The following ZNF592 variants were observed in gnomAD, a reference collection of about 807,000 sequenced individuals.
The protein encoded by ZNF592 is zinc finger protein 592.
ZNF592 carries 11 observed loss-of-function variants against 80.3 expected under a neutral mutation model. The observed-to-expected ratio is 0.14, with a 90% CI of 0.09 to 0.23. The LOEUF is 0.23. ZNF592 is among the 10% of genes least tolerant of loss of function. The pLI is 1.00. For missense variants in ZNF592, 1,420 were observed against 1,633.9 expected, an observed-to-expected ratio of 0.87 and a Z score of 2.26; for synonymous variants, 646 against 640.3, an observed-to-expected ratio of 1.01 and a Z score of -0.13.
At chr15:84,789,914 C>T (rs1252908245) in intron 4 of ZNF592, among the ~76,000 whole-genome samples, 1 of 152,206 alleles carries the variant, frequency 6.6e-6, no homozygotes, top group African/African-American at 2.4e-5. Context: ...CTTTTTCCCT[C>T]TGGGCTGGCT....
Position 84,804,603 on chromosome 15 carries a change from T to G in ZNF592, c.*2210T>G, listed in dbSNP as rs970795959. On this transcript the variant is annotated 3_prime_UTR_variant, in exon 11 of 11. Transcript: ENST00000560079. ...ATAGAGTTAGTAATTCCCATCCAAC[T>G]GGCTTCACAGGCTTTTGTGAGCTTA... is the stretch of plus-strand genomic sequence containing the variant. The G allele has an allele frequency of 2.0e-5, 3 of 152,254 alleles. No homozygotes were observed. The highest frequency in any genetic ancestry group is 2.9e-5 in the Non-Finnish European group (2 of 68,046). 9.4% of individuals were successfully genotyped at this position (152,254 alleles called of 1,614,324 possible).
chr15:84,796,379 T>C (rs1413737954), intron 5 of ZNF592, among the ~76,000 whole-genome samples: 1 of 150,164 alleles, frequency 6.7e-6, no homozygotes, highest in African/African-American at 2.5e-5. Flanking sequence ...CTGCCTCTCT[T>C]TAGTGCCTAT....
At chr15:84,757,590 G>A (rs1338865933) in intron 1 of ZNF592, among the ~76,000 whole-genome samples, 3 of 151,976 alleles carry the variant, frequency 2.0e-5, no homozygotes, top group Non-Finnish European at 4.4e-5. Flanking sequence ...CTGGCTTGAA[G>A]CGATCCTTCC....
At chr15:84,760,035 G>T (rs1469951339) in intron 1 of ZNF592, among the ~76,000 whole-genome samples, 2 of 145,574 alleles carry the variant, frequency 1.4e-5, no homozygotes, top group Non-Finnish European at 3.0e-5. Context: ...AGAAATTCTG[G>T]TAATTCTTCC....
At position 84,784,807 on chromosome 15, in the gene ZNF592, TCAAGTGTCTTGAATGTCA is replaced by T; in HGVS notation, c.2137_2154del (p.Cys713_Lys718del). 1 of 1,614,066 alleles carries T rather than the reference TCAAGTGTCTTGAATGTCA, an allele frequency of 6.2e-7. No individual in the cohort carries two copies. The highest frequency in any genetic ancestry group is 8.5e-7 in the Non-Finnish European group (1 of 1,180,018). Reference sequence around the variant, plus strand: ...CCTGTGAGGCTCATCCGGTACTCAATCAAGTGTCTTGAATGTCACAAGCAGATGCGGGACTACATGGTC... The same window carrying T: ...CCTGTGAGGCTCATCCGGTACTCAATCAAGCAGATGCGGGACTACATGGTC... On this transcript the variant is annotated inframe_deletion, in exon 4 of 11. Transcript: ENST00000560079. The surrounding 1 kb of genome is among the most constrained non-coding windows in gnomAD (Gnocchi z 5.8).
chr15:84,783,006 G>T lies in ZNF592; in HGVS notation c.331G>T (p.Asp111Tyr), dbSNP rs1962464676. The T allele has an allele frequency of 6.2e-7, 1 of 1,614,142 alleles. No homozygotes were observed. Reference sequence around the variant, plus strand: ...AGATCCCCACAACTGTGGGAAATTTGATTCTACTTTTATGAATGGAGACAG... The same window carrying T: ...AGATCCCCACAACTGTGGGAAATTTTATTCTACTTTTATGAATGGAGACAG... ...PPDPHNCGKF[D>Y]STFMNGDSAR... Residue 111 changes from aspartate to tyrosine, a missense_variant, in exon 4 of 11, where the codon GAT (aspartate) becomes TAT (tyrosine). Transcript: ENST00000560079. This position sits in a 1 kb window ranked among gnomAD's most constrained non-coding sequence, Gnocchi z 5.0.
rs1963223385 is a variant in ZNF592 at position 84,805,831 on chromosome 15, G to A, written c.*3438G>A. 6.6e-6 allele frequency: 1 copy of A among 152,556 alleles called. No individual in the cohort carries two copies. Among genetic ancestry groups the A allele is most frequent in the South Asian group, 2.1e-4 (1 of 4,822 alleles). The allele number at this position is 152,556 out of a possible 1,614,324, so 9.5% of individuals were successfully genotyped here. On this transcript the variant is annotated 3_prime_UTR_variant, in exon 11 of 11. Coordinates refer to ENST00000560079, the MANE Select transcript of ZNF592 (RefSeq NM_014630.3). ...ACAATAAATGGTAAGCTTCCCCATG[G>A]AGGTCAGCCTCTAGTCCCCTCTCCA...
In ZNF592 at chr15:84,803,495, CCTT is replaced by C. The variant is rs1398555537; in HGVS notation, c.*1105_*1107del. Reference sequence around the variant, plus strand: ...CCTGTACTACTTAGTTCTCTAGAGACCTTCTGAAGGGGTGAGGGGAGCGGCTCC... The same window carrying C: ...CCTGTACTACTTAGTTCTCTAGAGACCTGAAGGGGTGAGGGGAGCGGCTCC... On this transcript the variant is annotated 3_prime_UTR_variant, in exon 11 of 11. Transcript: ENST00000560079. 4 of 152,350 alleles carry C rather than the reference CCTT, an allele frequency of 2.6e-5. No individual in the cohort carries two copies. The South Asian group carries it at 6.2e-4, about 24-fold the overall frequency. 9.4% of individuals were successfully genotyped at this position (152,350 alleles called of 1,614,324 possible).
chr15:84,776,169 A>G (rs931332072), intron 2 of ZNF592, among the ~76,000 whole-genome samples: 2 of 152,178 alleles, frequency 1.3e-5, no homozygotes, highest in East Asian at 1.9e-4. Context: ...GCTCGTTCAG[A>G]TGCTTCAGGG....
chr15:84,780,152 A>G (rs957528747), intron 3 of ZNF592, among the ~76,000 whole-genome samples: 14 of 151,908 alleles, frequency 9.2e-5, no homozygotes, highest in Admixed American at 7.9e-4. Context: ...ACACCCAACT[A>G]ATTTTTGTAT....
chr15:84,794,718 C>G (rs1962846193), intron 5 of ZNF592, among the ~76,000 whole-genome samples: 1 of 152,106 alleles, frequency 6.6e-6, no homozygotes, highest in Non-Finnish European at 1.5e-5. Context: ...CTCAGGTGAT[C>G]CACCGACCTC....
intron 2 of ZNF592, among the ~76,000 whole-genome samples, chr15:84,772,119 A>AC (rs938417661): frequency 6.6e-6 from 1 of 152,174 alleles, no homozygotes; most frequent in Non-Finnish European, 1.5e-5. Context: ...TTTTAGCTAT[A>AC]CCATTCCCAA....
rs116699012 is a variant in ZNF592 at position 84,786,416 on chromosome 15, G to C, written c.2220+1521G>C. 6.1e-3 allele frequency among the ~76,000 whole-genome samples: 936 copies of C among 152,302 alleles called. 5 individuals carry two copies. Among genetic ancestry groups the C allele is most frequent in the African/African-American group, 0.021 (871 of 41,558 alleles). ...GAGTTTGGAGGAGTAGGAGGGGCAAGGGTGTTTTGAGTATAGGGAGCAAAG... is the reference window on the plus strand; with the variant it reads ...GAGTTTGGAGGAGTAGGAGGGGCAACGGTGTTTTGAGTATAGGGAGCAAAG... On this transcript the variant is annotated intron_variant, in intron 4 of 10. Coordinates refer to ENST00000560079, the MANE Select transcript of ZNF592 (RefSeq NM_014630.3).
At chr15:84,762,931 A>G (rs767570321) in intron 1 of ZNF592, among the ~76,000 whole-genome samples, 1 of 152,188 alleles carries the variant, frequency 6.6e-6, no homozygotes, top group Non-Finnish European at 1.5e-5. Context: ...AATCTAGAAC[A>G]GTGTTCTAGA....
Position 84,783,055 on chromosome 15 carries a change from T to G in ZNF592, c.380T>G (p.Leu127Arg), listed in dbSNP as rs1350176076. The change falls in exon 4 of 11, where the codon CTG becomes CGG. Residue 127 changes from leucine (L) to arginine (R), a missense_variant. Around this residue, in one of 7 missense-constraint regions of ZNF592, gnomAD observed 373 missense variants for 355.5 expected, o/e 1.05. Transcript: ENST00000560079. The surrounding 1 kb of genome is among the most constrained non-coding windows in gnomAD (Gnocchi z 5.0). ...AGTGCCAGGAGTTTCCCTGGCAAAC[T>G]GGAGCCTCCCAAGTCAGAGCCATTA... is the stretch of plus-strand genomic sequence containing the variant. ...GDSARSFPGK[L>R]EPPKSEPLPT... The G allele has an allele frequency of 1.2e-6, 2 of 1,614,182 alleles. No homozygotes were observed. The highest frequency in any genetic ancestry group is 1.7e-5 in the Admixed American group (1 of 60,022).
intron 5 of ZNF592, among the ~76,000 whole-genome samples, chr15:84,794,736 C>G (rs1434842638): frequency 6.6e-6 from 1 of 152,162 alleles, no homozygotes; most frequent in African/African-American, 2.4e-5. Context: ...CTCAGCCTCC[C>G]AAAGTGCTGG....
Position 84,798,732 on chromosome 15 carries a change from G to A in ZNF592, c.2881G>A (p.Gly961Ser). The A allele has an allele frequency of 6.2e-7, 1 of 1,611,178 alleles. No individual in the cohort carries two copies. The stretch of plus-strand genomic sequence containing the variant: ...TGCTCGGAGCAGCTCCCTGCCTTCT[G>A]GCCGCTGGGGTAGGCCTGAAGCCCA... ...VAARSSSLPS[G>S]RWGRPEAHRR... The change falls in exon 8 of 11, where the codon GGC becomes AGC. Residue 961 changes from glycine to serine, a missense_variant. Physicochemically the swap from Gly to Ser is moderately conservative, Grantham distance 56 (BLOSUM62 0). This residue lies in a region of ZNF592 where 331 missense variants were observed against 347.0 expected (regional missense o/e 0.95). Coordinates refer to ENST00000560079, the MANE Select transcript of ZNF592 (RefSeq NM_014630.3). This position sits in a 1 kb window ranked among gnomAD's most constrained non-coding sequence, Gnocchi z 4.5.
In ZNF592 at chr15:84,798,422, C is replaced by G. The variant is rs769691987; in HGVS notation, c.2684C>G (p.Pro895Arg). The G allele has an allele frequency of 1.2e-5, 20 of 1,614,038 alleles. No individual in the cohort carries two copies. In the Admixed American group the frequency reaches 2.2e-4, roughly 17 times the overall value. The stretch of plus-strand genomic sequence containing the variant: ...ACGCAGGTGGGCGTCTTCAAGTGCC[C>G]TGAGTGCCCACTCTTGTTCGTGCAG... ...SKTQVGVFKCPECPLLFVQKP... is the reference protein window; with the variant it reads ...SKTQVGVFKCRECPLLFVQKP... Residue 895 changes from proline to arginine, a missense_variant, in exon 7 of 11, where the codon CCT becomes CGT. This residue lies in a region of ZNF592 where 331 missense variants were observed against 347.0 expected (regional missense o/e 0.95). Coordinates refer to ENST00000560079, the MANE Select transcript of ZNF592 (RefSeq NM_014630.3). This position sits in a 1 kb window ranked among gnomAD's most constrained non-coding sequence, Gnocchi z 4.5.
At chr15:84,780,004 T>TG (rs1962375124) in intron 3 of ZNF592, among the ~76,000 whole-genome samples, 1 of 150,504 alleles carries the variant, frequency 6.6e-6, no homozygotes, top group African/African-American at 2.4e-5. Flanking sequence ...TTTTTTTTTT[T>TG]GAGTTGGAGT....
Sources: gnomAD v4.1 joint callset for allele counts (sites outside exome capture counted in the v4.1 genomes callset) on GRCh38, gnomAD v4.1.1 for gene constraint, gnomAD v4.1.1 regional missense constraint, Gnocchi (gnomAD v3.1) non-coding constraint, MANE v1.5 for transcripts, NCBI Gene and HGNC (gene_info 2026-07-23, HGNC 2026-07-21) for gene names.